CCDC47: variants seen among roughly 807,000 people sequenced by gnomAD.
The protein encoded by CCDC47 is PAT complex subunit CCDC47.
Under a neutral mutation model 60.5 loss-of-function variants are expected in CCDC47, and 41 were observed. The observed-to-expected ratio is 0.68, with a 90% CI of 0.53 to 0.88. The LOEUF (loss-of-function observed/expected upper bound fraction) is 0.88. Among genes scored for constraint, CCDC47 ranks in the 40% least tolerant of loss-of-function variants. The pLI is 0.00. For missense variants in CCDC47, 513 were observed against 580.9 expected, an observed-to-expected ratio of 0.88 and a Z score of 1.20; for synonymous variants, 195 against 190.7, an observed-to-expected ratio of 1.02 and a Z score of -0.18.
At chr17:63,772,074 T>G (rs1447885978) in intron 1 of CCDC47, among the ~76,000 whole-genome samples, 1 of 151,876 alleles carries the variant, frequency 6.6e-6, no homozygotes, top group Non-Finnish European at 1.5e-5. Flanking sequence ...AGGGTGAGAC[T>G]CTGTCTCAAA....
At position 63,760,349 on chromosome 17, in the gene CCDC47, T is replaced by C. The variant is rs533121007; in HGVS notation, c.735+565A>G. Among the ~76,000 whole-genome samples, 21 of 152,332 alleles carry C rather than the reference T, an allele frequency of 1.4e-4. 1 individual carries two copies. In the South Asian group the frequency reaches 2.7e-3, roughly 20 times the overall value. On this transcript the variant is annotated intron_variant, in intron 6 of 12. Coordinates refer to ENST00000225726, the MANE Select transcript of CCDC47 (RefSeq NM_020198.3). ...TTGCTTTGCCCTCTATTGTCAAGGC[T>C]AACTCCATTGATCTATGTGGTGACA...
At chr17:63,747,135 A>G in intron 12 of CCDC47, 174 bp from the exon 13 acceptor site, 1 of 981,676 alleles carries the variant, frequency 1.0e-6, no homozygotes, top group Non-Finnish European at 1.2e-6. Context: ...ATAATTGCCA[A>G]TATCTACATT....
intron 6 of CCDC47, among the ~76,000 whole-genome samples, chr17:63,757,197 CAA>C (rs201632430): frequency 4.4e-4 from 44 of 99,854 alleles, no homozygotes; most frequent in Non-Finnish European, 4.7e-4. Flanking sequence ...CCCATCTGTA[CAA>C]AAAAAAAAAA....
At chr17:63,753,917 C>T (rs2039185401) in intron 9 of CCDC47, among the ~76,000 whole-genome samples, 1 of 152,112 alleles carries the variant, frequency 6.6e-6, no homozygotes, top group Admixed American at 6.5e-5. Context: ...ACCAGCCTGA[C>T]CAACATGGTG....
chr17:63,769,100 A>C (rs932259229), intron 1 of CCDC47, among the ~76,000 whole-genome samples: 3 of 151,490 alleles, frequency 2.0e-5, no homozygotes, highest in African/African-American at 7.3e-5. Flanking sequence ...AAAAAAAAAA[A>C]ATTAGCCAAG....
In CCDC47 at chr17:63,760,318, T is replaced by G. The variant is rs185701228; in HGVS notation, c.735+596A>C. 9.8e-5 allele frequency among the ~76,000 whole-genome samples: 15 copies of G among 152,296 alleles called. No individual in the cohort carries two copies. In the East Asian group the frequency reaches 2.7e-3, roughly 27 times the overall value. ...AGTTACCCATGAGGGCCATTACCTT[T>G]CACAATTGCTTTGCCCTCTATTGTC... is the stretch of plus-strand genomic sequence containing the variant. On this transcript the variant is annotated intron_variant, in intron 6 of 12. Coordinates refer to ENST00000225726, the MANE Select transcript of CCDC47 (RefSeq NM_020198.3).
Position 63,761,270 on chromosome 17 carries a change from G to C in CCDC47, c.629C>G (p.Ser210Cys). 6.2e-7 allele frequency: 1 copy of C among 1,614,042 alleles called. No individual in the cohort carries two copies. The highest frequency in any genetic ancestry group is 1.3e-5 in the African/African-American group (1 of 74,990). The change falls in exon 5 of 13, where the codon TCT becomes TGT. Residue 210 changes from serine to cysteine, a missense_variant. By Grantham distance (112) the Ser-to-Cys change is moderately radical. Transcript: ENST00000225726. ...CATGCCCTCACAGCACACTCGACCA[G>C]AACACCACAGGTTATAGATGTGCTC... ...ENEHIYNLWC[S>C]GRVCCEGMLI...
At chr17:63,760,797 C>A in intron 6 of CCDC47, 117 bp downstream of exon 6, 1 of 694,632 alleles carries the variant, frequency 1.4e-6, no homozygotes. Flanking sequence ...CAAGATCATG[C>A]CATTGCACTC....
chr17:63,761,986 T>G, intron 4 of CCDC47: 1 of 818,336 alleles, frequency 1.2e-6, no homozygotes, highest in Non-Finnish European at 1.5e-6. Flanking sequence ...TGCCAAAAGT[T>G]AAAAACTCCT....
chr17:63,751,934 T>C lies in CCDC47; in HGVS notation c.1371+6A>G, dbSNP rs1297937776. 7 of 1,613,674 alleles carry C rather than the reference T, an allele frequency of 4.3e-6. No homozygotes were observed. The highest frequency in any genetic ancestry group is 5.9e-6 in the Non-Finnish European group (7 of 1,180,024). Reference sequence around the variant, plus strand: ...TAGTTTTACCCCAGTGATAAGTTTGTCTAACCTCCAGCCTGCGCTGTTTCT... The same window carrying C: ...TAGTTTTACCCCAGTGATAAGTTTGCCTAACCTCCAGCCTGCGCTGTTTCT... On this transcript the variant is annotated splice_donor_region_variant and intron_variant, in intron 12 of 12. Transcript: ENST00000225726.
chr17:63,760,897 G>T lies in CCDC47; in HGVS notation c.735+17C>A. The T allele has an allele frequency of 6.4e-7, 1 of 1,565,676 alleles. No individual in the cohort carries two copies. Among genetic ancestry groups the T allele is most frequent in the Non-Finnish European group, 8.8e-7 (1 of 1,139,828 alleles). ...AATTCAGTCTGTACACAGAAAACCA[G>T]CGGGAAGAATACATACCACTTGATC... On this transcript the variant is annotated intron_variant, in intron 6 of 12. Transcript: ENST00000225726.
At position 63,759,578 on chromosome 17, in the gene CCDC47, A is replaced by ATATAT. The variant is rs1568249244; in HGVS notation, c.735+1335_735+1336insATATA. On this transcript the variant is annotated intron_variant, in intron 6 of 12. Transcript: ENST00000225726. ...ATATATATATATATATATATATATA[A>ATATAT]AACAATGATTTTCAATCCAATAACA... 1.9e-5 allele frequency among the ~76,000 whole-genome samples: 2 copies of ATATAT among 104,920 alleles called. 1 individual carries two copies. Among genetic ancestry groups the ATATAT allele is most frequent in the Non-Finnish European group, 4.0e-5 (2 of 50,152 alleles). 68.8% of individuals were successfully genotyped at this position (104,920 alleles called of 152,430 possible). A position where few individuals can be genotyped will look rare whatever the true frequency, so the allele number is the denominator to read the frequency against.
rs1172995657 is a variant in CCDC47 at position 63,759,550 on chromosome 17, T to C, written c.735+1364A>G. Among the ~76,000 whole-genome samples, 3 of 28,624 alleles carry C rather than the reference T, an allele frequency of 1.0e-4. 1 individual carries two copies. Among genetic ancestry groups the C allele is most frequent in the Non-Finnish European group, 1.8e-4 (3 of 16,698 alleles). 18.8% of individuals were successfully genotyped at this position (28,624 alleles called of 152,430 possible). ...ATTTATATATATATATATATATATA[T>C]ATATATATATATATATATATATATA... On this transcript the variant is annotated intron_variant, in intron 6 of 12. Transcript: ENST00000225726.
At chr17:63,763,977 T>A (rs1317369806) in intron 4 of CCDC47, 39 bp downstream of exon 4, 4 of 1,532,660 alleles carry the variant, frequency 2.6e-6, no homozygotes, top group Middle Eastern at 3.5e-4. Context: ...ACCAGATTGT[T>A]TTCAAGCAAG....
intron 5 of CCDC47, 99 bp downstream of exon 5, chr17:63,761,131 T>G: frequency 1.3e-6 from 2 of 1,498,450 alleles, no homozygotes; most frequent in Middle Eastern, 1.7e-4. Context: ...TCATTTTAAG[T>G]CAAACATGAA....
chr17:63,757,590 T>A (rs552376938), intron 6 of CCDC47, among the ~76,000 whole-genome samples: 1 of 152,202 alleles, frequency 6.6e-6, no homozygotes. Context: ...ATGAGGGTTG[T>A]TTTAAGCTGC....
chr17:63,770,985 C>CAAA lies in CCDC47; in HGVS notation c.-20+2424_-20+2426dup, dbSNP rs760648451. Among the ~76,000 whole-genome samples, 176 of 49,126 alleles carry CAAA rather than the reference C, an allele frequency of 3.6e-3. 2 individuals carry two copies. Among genetic ancestry groups the CAAA allele is most frequent in the Admixed American group, 4.7e-3 (21 of 4,444 alleles). 32.2% of individuals were successfully genotyped at this position (49,126 alleles called of 152,430 possible). A position where few individuals can be genotyped will look rare whatever the true frequency, so the allele number is the denominator to read the frequency against. ...CCTGGGTGACAGAGCGAGACTGTGTCAAAAAAAAAAAAAAGAAAGAAAGAA... is the reference window on the plus strand; with the variant it reads ...CCTGGGTGACAGAGCGAGACTGTGTCAAAAAAAAAAAAAAAAAGAAAGAAAGAA... On this transcript the variant is annotated intron_variant, in intron 1 of 12. Coordinates refer to ENST00000225726, the MANE Select transcript of CCDC47 (RefSeq NM_020198.3).
intron 9 of CCDC47, chr17:63,753,774 A>G (rs542685392): frequency 4.7e-5 from 10 of 211,082 alleles, no homozygotes; most frequent in African/African-American, 2.4e-4. Context: ...GTAATCAGAC[A>G]TAAGTCAAAC....
intron 2 of CCDC47, chr17:63,765,536 C>T: frequency 5.5e-6 from 1 of 181,980 alleles, no homozygotes; most frequent in South Asian, 1.9e-4. Context: ...GACAGGGTTT[C>T]ACCATGTTGG....
Sources: allele counts gnomAD v4.1 joint callset (sites outside exome capture counted in the v4.1 genomes callset), GRCh38; gene constraint gnomAD v4.1.1; transcripts MANE v1.5; gene names NCBI Gene and HGNC (gene_info 2026-07-23, HGNC 2026-07-21).